Variants in ACTN4 observed in about 807,000 individuals in gnomAD.
ACTN4 encodes the protein alpha-actinin-4.
Under a neutral mutation model 114.2 loss-of-function variants are expected in ACTN4, and 18 were observed. That is an observed-to-expected ratio of 0.16 (90% CI 0.11 to 0.23). The LOEUF (loss-of-function observed/expected upper bound fraction) is 0.23, where lower values mean the gene tolerates loss of function less well. Ranked by LOEUF, ACTN4 falls within the 10% of genes least tolerant of loss-of-function variation. The pLI, the probability that ACTN4 is intolerant of heterozygous loss-of-function variation, is 1.00. For missense variants in ACTN4, 722 were observed against 1,262.9 expected (o/e 0.57, Z 6.49); for synonymous variants, 515 against 506.3 (o/e 1.02, Z -0.23).
At chr19:38,723,751 G>A in intron 13 of ACTN4, 29 bp downstream of exon 13, 1 of 1,567,276 alleles carries the variant, frequency 6.4e-7, no homozygotes, top group Non-Finnish European at 8.7e-7. Context: ...CACCCACGGA[G>A]CTCTGTGCCC....
At chr19:38,693,504 C>T (rs1000524619) in intron 1 of ACTN4, 2 of 152,034 alleles carry the variant, frequency 1.3e-5, no homozygotes, top group East Asian at 1.9e-4. Flanking sequence ...AGCTCACCAT[C>T]GCTCTGCCCA....
At chr19:38,726,047 G>C (rs1400694016) in intron 17 of ACTN4, 144 bp downstream of exon 17, 1 of 1,163,998 alleles carries the variant, frequency 8.6e-7, no homozygotes, top group African/African-American at 1.5e-5. Flanking sequence ...CCAGCACTTT[G>C]GGAGGCCAAG....
At chr19:38,723,862 C>T (rs1437425112) in intron 13 of ACTN4, 75 bp from the exon 14 acceptor site, 2 of 1,543,672 alleles carry the variant, frequency 1.3e-6, no homozygotes, top group Non-Finnish European at 1.8e-6. Context: ...GCCCTCTGGA[C>T]CCCTCCCCAC....
intron 1 of ACTN4, 62 bp from the exon 2 acceptor site, chr19:38,700,538 T>C: frequency 7.2e-7 from 1 of 1,396,442 alleles, no homozygotes; most frequent in Non-Finnish European, 1.0e-6. Flanking sequence ...CCTGCAGGTG[T>C]GTGGAGAGAG....
rs748587243 is a variant in ACTN4 at position 38,647,654 on chromosome 19, A to T, written c.-92A>T. 6 of 1,455,492 alleles carry T rather than the reference A, an allele frequency of 4.1e-6. No individual in the cohort carries two copies. The African/African-American group carries it at 4.5e-5, about 11-fold the overall frequency. The allele number at this position is 1,455,492 out of a possible 1,614,324, so 90.2% of individuals were successfully genotyped here. A position where few individuals can be genotyped will look rare whatever the true frequency, so the allele number is the denominator to read the frequency against. On this transcript the variant is annotated 5_prime_UTR_variant, in exon 1 of 21. Coordinates refer to ENST00000252699, the MANE Select transcript of ACTN4 (RefSeq NM_004924.6). ...GCGCGGGCGGAGGGCGGGCTGAAGCAGCTGAAGCGGCGGTAGCGGCGGCGG... is the reference window on the plus strand; with the variant it reads ...GCGCGGGCGGAGGGCGGGCTGAAGCTGCTGAAGCGGCGGTAGCGGCGGCGG...
intron 11 of ACTN4, among the ~76,000 whole-genome samples, chr19:38,718,903 C>T (rs1409155604): frequency 6.6e-6 from 1 of 152,238 alleles, no homozygotes; most frequent in African/African-American, 2.4e-5. Flanking sequence ...CCTCCTGGGC[C>T]TGCTGCCGGA....
At chr19:38,682,620 G>A (rs1230417151) in intron 1 of ACTN4, among the ~76,000 whole-genome samples, 2 of 152,124 alleles carry the variant, frequency 1.3e-5, no homozygotes, top group African/African-American at 4.8e-5. Flanking sequence ...GTCCACACAC[G>A]GCCACTGGGA....
At chr19:38,680,519 C>G (rs1319652604) in intron 1 of ACTN4, among the ~76,000 whole-genome samples, 3 of 152,058 alleles carry the variant, frequency 2.0e-5, no homozygotes, top group African/African-American at 7.2e-5. Flanking sequence ...GAATGAATGC[C>G]CACGTGAGCA....
At chr19:38,666,449 G>A (rs545559967) in intron 1 of ACTN4, among the ~76,000 whole-genome samples, 1 of 152,144 alleles carries the variant, frequency 6.6e-6, no homozygotes, top group South Asian at 2.1e-4. Flanking sequence ...CCCGGTTTGC[G>A]CTTTCCTGAT....
At chr19:38,704,642 G>A (rs1968394750) in intron 3 of ACTN4, among the ~76,000 whole-genome samples, 1 of 146,992 alleles carries the variant, frequency 6.8e-6, no homozygotes, top group Non-Finnish European at 1.5e-5. Context: ...TCTTGGAGGA[G>A]CGGTTTTTTG....
chr19:38,667,421 G>A (rs1416162061), intron 1 of ACTN4, among the ~76,000 whole-genome samples: 1 of 152,088 alleles, frequency 6.6e-6, no homozygotes, highest in Non-Finnish European at 1.5e-5. Flanking sequence ...ACAAGGGGTG[G>A]GGGGTGTCTC....
intron 1 of ACTN4, among the ~76,000 whole-genome samples, chr19:38,649,172 G>T (rs988522771): frequency 3.6e-5 from 2 of 55,032 alleles, no homozygotes; most frequent in South Asian, 1.3e-3. Flanking sequence ...AGGTGGCACT[G>T]TTTTTTTGGG....
intron 12 of ACTN4, among the ~76,000 whole-genome samples, chr19:38,723,300 G>A (rs1483423412): frequency 5.3e-5 from 8 of 152,104 alleles, no homozygotes; most frequent in African/African-American, 1.7e-4. Flanking sequence ...CCCAAGGCCT[G>A]GTTGAAGGGC....
At chr19:38,700,948 C>G (rs1298706021) in intron 2 of ACTN4, 54 bp from the exon 3 acceptor site, 1 of 1,605,494 alleles carries the variant, frequency 6.2e-7, no homozygotes, top group Non-Finnish European at 8.5e-7. Flanking sequence ...CTCGCCCTCT[C>G]TCCCTTTCTC....
intron 1 of ACTN4, among the ~76,000 whole-genome samples, chr19:38,675,801 G>A (rs939434127): frequency 1.3e-4 from 20 of 152,320 alleles, no homozygotes; most frequent in African/African-American, 4.1e-4. Flanking sequence ...GCCTGGGTAC[G>A]GAGGTTCCTG....
chr19:38,662,572 G>T (rs1229432935), intron 1 of ACTN4, among the ~76,000 whole-genome samples: 1 of 152,190 alleles, frequency 6.6e-6, no homozygotes, highest in East Asian at 1.9e-4. Flanking sequence ...ATAAGTGTGT[G>T]TGTGTTTATT....
intron 8 of ACTN4, among the ~76,000 whole-genome samples, chr19:38,713,594 C>T (rs959996346): frequency 2.0e-5 from 3 of 152,186 alleles, no homozygotes; most frequent in Admixed American, 6.5e-5. Flanking sequence ...CTGCCGCCTC[C>T]CCGCCTGTCT....
chr19:38,674,667 T>G (rs1355201240), intron 1 of ACTN4, among the ~76,000 whole-genome samples: 1 of 152,138 alleles, frequency 6.6e-6, no homozygotes, highest in African/African-American at 2.4e-5. Context: ...CCCAGGCCCC[T>G]CAGTCAGTAA....
intron 6 of ACTN4, 136 bp from the exon 7 acceptor site, chr19:38,709,259 C>T (rs1968561777): frequency 2.7e-6 from 2 of 750,028 alleles, no homozygotes; most frequent in East Asian, 2.5e-5. Flanking sequence ...ACACATCACA[C>T]GTGGCTGAGA....
Sources: gnomAD v4.1 joint callset for allele counts (sites outside exome capture counted in the v4.1 genomes callset) on GRCh38, gnomAD v4.1.1 for gene constraint, MANE v1.5 for transcripts, NCBI Gene and HGNC (gene_info 2026-07-23, HGNC 2026-07-21) for gene names.